The following NBEAL1 variants were observed in gnomAD, a reference collection of about 807,000 sequenced individuals.
NBEAL1 encodes neurobeachin like 1.
Under a neutral mutation model 351.3 loss-of-function variants are expected in NBEAL1, and 273 were observed. The ratio of observed to expected loss-of-function variants is 0.78; its 90% confidence interval spans 0.70 to 0.86. The LOEUF (loss-of-function observed/expected upper bound fraction) is 0.86. Ranked by LOEUF, NBEAL1 falls within the 40% of genes least tolerant of loss-of-function variation. The probability of loss-of-function intolerance (pLI) is 0.00; values close to 1 mark genes in which losing one functional copy is unlikely to be tolerated. For synonymous variants in NBEAL1, 1,050 were observed against 1,086.4 expected, an observed-to-expected ratio of 0.97 and a Z score of 0.66; for missense variants, 2,961 against 3,201.3, an observed-to-expected ratio of 0.92 and a Z score of 1.81.
chr2:203,026,050 CTT>C (rs1439618438), intron 2 of NBEAL1, among the ~76,000 whole-genome samples: 1 of 152,034 alleles, frequency 6.6e-6, no homozygotes, highest in African/African-American at 2.4e-5. Context: ...TTCTAGTTCT[CTT>C]TTGTTTAGTT....
chr2:203,150,322 T>C (rs936356706), intron 34 of NBEAL1, among the ~76,000 whole-genome samples: 1 of 152,186 alleles, frequency 6.6e-6, no homozygotes, highest in Non-Finnish European at 1.5e-5. Flanking sequence ...TTTAGCATCT[T>C]TTCACATGCT....
rs753627559 is a variant in NBEAL1 at position 203,084,475 on chromosome 2, C to T, written c.1004C>T (p.Ala335Val). 1 of 1,470,086 alleles carries T rather than the reference C, an allele frequency of 6.8e-7. No individual in the cohort carries two copies. The highest frequency in any genetic ancestry group is 9.0e-7 in the Non-Finnish European group (1 of 1,109,238). 91.1% of individuals were successfully genotyped at this position (1,470,086 alleles called of 1,614,324 possible). A position where few individuals can be genotyped will look rare whatever the true frequency, so the allele number is the denominator to read the frequency against. Residue 335 changes from alanine (A) to valine (V), a missense_variant, in exon 10 of 56, where the codon GCC becomes GTC. By Grantham distance (64) the Ala-to-Val change is moderately conservative. Coordinates refer to ENST00000683969, the MANE Select transcript of NBEAL1 (RefSeq NM_001378026.1). ...LQIKMLNTITAMLDCTDRPVL... is the reference protein window; with the variant it reads ...LQIKMLNTITVMLDCTDRPVL... Reference sequence around the variant, plus strand: ...TTTATTTTCCTAGATACCATCACAGCCATGTTAGATTGTACAGATAGACCT... The same window carrying T: ...TTTATTTTCCTAGATACCATCACAGTCATGTTAGATTGTACAGATAGACCT...
chr2:203,207,527 A>G (rs985979295), intron 51 of NBEAL1, among the ~76,000 whole-genome samples: 18 of 152,246 alleles, frequency 1.2e-4, no homozygotes, highest in African/African-American at 4.3e-4. Context: ...CTGTGTTAGA[A>G]AGAGGTAGAC....
intron 2 of NBEAL1, among the ~76,000 whole-genome samples, chr2:203,023,475 C>A (rs1330627552): frequency 6.6e-6 from 1 of 152,178 alleles, no homozygotes; most frequent in Non-Finnish European, 1.5e-5. Context: ...GATGCATTAA[C>A]TTTTTAAATT....
intron 4 of NBEAL1, among the ~76,000 whole-genome samples, chr2:203,051,831 A>G (rs1232151992): frequency 1.3e-5 from 2 of 152,162 alleles, no homozygotes; most frequent in Non-Finnish European, 2.9e-5. Context: ...ACATGTTTCT[A>G]TTTCCAGAGA....
chr2:203,025,528 A>C (rs2060843712), intron 2 of NBEAL1, among the ~76,000 whole-genome samples: 1 of 152,188 alleles, frequency 6.6e-6, no homozygotes, highest in South Asian at 2.1e-4. Context: ...GCAAGTAAAG[A>C]ATTGGGACCA....
chr2:203,097,668 G>A, intron 11 of NBEAL1, 35 bp downstream of exon 11: 1 of 884,190 alleles, frequency 1.1e-6, no homozygotes, highest in South Asian at 5.2e-5. Context: ...TTCAGCTGAA[G>A]TCCAAAATCA....
At chr2:203,209,089 C>T (rs2065695875) in intron 52 of NBEAL1, 72 bp from the exon 53 acceptor site, 1 of 1,201,094 alleles carries the variant, frequency 8.3e-7, no homozygotes, top group Admixed American at 2.0e-5. Context: ...TTATCTGGCC[C>T]ACTCTACTTT....
chr2:203,132,073 A>G lies in NBEAL1; in HGVS notation c.3665A>G (p.Asn1222Ser), dbSNP rs1212573362. Residue 1222 changes from asparagine to serine, a missense_variant, in exon 26 of 56, where the codon AAT becomes AGT. Asn to Ser is a conservative substitution (Grantham distance 46). Transcript: ENST00000683969. ...TACTCGGGACTGGGACTCCTTCTTA[A>G]TGAAGCACTTGTTAATACTTCTCTT... is the stretch of plus-strand genomic sequence containing the variant. ...VGYSGLGLLL[N>S]EALVNTSLIK... 3 of 1,551,262 alleles carry G rather than the reference A, an allele frequency of 1.9e-6. No individual in the cohort carries two copies. The highest frequency in any genetic ancestry group is 3.9e-5 in the Admixed American group (2 of 50,914).
chr2:203,193,095 T>C (rs1429567337), intron 46 of NBEAL1, among the ~76,000 whole-genome samples: 1 of 148,716 alleles, frequency 6.7e-6, no homozygotes, highest in Admixed American at 6.8e-5. Context: ...CCTCAGCCTC[T>C]CAAGTAGCTG....
rs1030217450 is a variant in NBEAL1 at position 203,223,810 on chromosome 2, A to C, written c.*6456A>C. On this transcript the variant is annotated 3_prime_UTR_variant, in exon 56 of 56. Transcript: ENST00000683969. Reference sequence around the variant, plus strand: ...TTACAATTTAGTGGGATGAACCTACAAATTCATAAATGCTTCTCTTTATTT... The same window carrying C: ...TTACAATTTAGTGGGATGAACCTACCAATTCATAAATGCTTCTCTTTATTT... 5.9e-5 allele frequency among the ~76,000 whole-genome samples: 9 copies of C among 152,054 alleles called. No homozygotes were observed. Among genetic ancestry groups the C allele is most frequent in the Admixed American group, 5.2e-4 (8 of 15,260 alleles).
At chr2:203,116,900 G>C (rs186225502) in intron 18 of NBEAL1, among the ~76,000 whole-genome samples, 2 of 151,640 alleles carry the variant, frequency 1.3e-5, no homozygotes, top group African/African-American at 4.8e-5. Context: ...TCAGGAGTTC[G>C]AGACCAACTT....
Position 203,197,285 on chromosome 2 carries a change from C to T in NBEAL1, c.7039-17C>T. The stretch of plus-strand genomic sequence containing the variant: ...AAGATGAGCAGAACCAGCCACTAAA[C>T]CTCTTTTATTTTATAGGGGATTAGT... On this transcript the variant is annotated splice_polypyrimidine_tract_variant and intron_variant, in intron 47 of 55. Transcript: ENST00000683969. 6.9e-7 allele frequency: 1 copy of T among 1,450,732 alleles called. No homozygotes were observed. Among genetic ancestry groups the T allele is most frequent in the Non-Finnish European group, 9.7e-7 (1 of 1,034,002 alleles). The allele number at this position is 1,450,732 out of a possible 1,614,324, so 89.9% of individuals were successfully genotyped here.
At chr2:203,131,502 C>T (rs2063071804) in intron 25 of NBEAL1, among the ~76,000 whole-genome samples, 1 of 152,162 alleles carries the variant, frequency 6.6e-6, no homozygotes, top group Admixed American at 6.5e-5. Context: ...AGGCATGAGC[C>T]ACTGTGCCCA....
rs1012014217 is a variant in NBEAL1, at chr2:203,038,373, T to C, written c.52-3392T>C. ...ACTGCACGTCTTCACTAACATGATA[T>C]AGTTTTTCTACTTTTAGCCATTCTA... On this transcript the variant is annotated intron_variant, in intron 2 of 55. Coordinates refer to ENST00000683969, the MANE Select transcript of NBEAL1 (RefSeq NM_001378026.1). Among the ~76,000 whole-genome samples the C allele has an allele frequency of 1.3e-4, 19 of 149,092 alleles. 3 individuals are homozygous for C. Among genetic ancestry groups the C allele is most frequent in the African/African-American group, 3.7e-4 (15 of 40,988 alleles).
intron 2 of NBEAL1, among the ~76,000 whole-genome samples, chr2:203,034,369 G>A (rs1299293083): frequency 3.3e-5 from 5 of 149,524 alleles, no homozygotes; most frequent in African/African-American, 1.2e-4. Context: ...ATGTTGGCCA[G>A]GATAGTCTCG....
chr2:203,050,037 C>G (rs895220620), intron 4 of NBEAL1, 62 bp downstream of exon 4: 14 of 1,459,842 alleles, frequency 9.6e-6, no homozygotes, highest in East Asian at 2.5e-5. Context: ...AATGAGAACA[C>G]ATGGAGATGA....
chr2:203,042,606 T>C (rs1461550452), intron 3 of NBEAL1, among the ~76,000 whole-genome samples: 1 of 152,076 alleles, frequency 6.6e-6, no homozygotes, highest in Non-Finnish European at 1.5e-5. Flanking sequence ...TTTTTCTTTT[T>C]TTTGAAATGG....
At chr2:203,204,052 C>T (rs2065478816) in intron 51 of NBEAL1, among the ~76,000 whole-genome samples, 1 of 151,664 alleles carries the variant, frequency 6.6e-6, no homozygotes, top group Non-Finnish European at 1.5e-5. Flanking sequence ...CCTCAGTCTC[C>T]TGAGTAGCTG....
Sources: allele counts gnomAD v4.1 joint callset (sites outside exome capture counted in the v4.1 genomes callset), GRCh38; gene constraint gnomAD v4.1.1; transcripts MANE v1.5; gene names NCBI Gene and HGNC (gene_info 2026-07-23, HGNC 2026-07-21).